Variants in IQCB1 observed in about 807,000 individuals in gnomAD.
The protein encoded by IQCB1 is IQ calmodulin-binding motif-containing protein 1.
A neutral mutation model predicts 84.4 loss-of-function variants in IQCB1; 56 were observed. The ratio of observed to expected loss-of-function variants is 0.66; its 90% CI spans 0.54 to 0.83. The LOEUF (loss-of-function observed/expected upper bound fraction) is 0.83. Among genes scored for constraint, IQCB1 ranks in the 40% least tolerant of loss-of-function variants. The pLI is 0.00. For synonymous variants in IQCB1, 210 were observed against 234.8 expected, an observed-to-expected ratio of 0.89 and a Z score of 0.96; for missense variants, 629 against 682.1, an observed-to-expected ratio of 0.92 and a Z score of 0.87.
At chr3:121,780,260 G>C (rs1948417329) in intron 13 of IQCB1, among the ~76,000 whole-genome samples, 1 of 152,106 alleles carries the variant, frequency 6.6e-6, no homozygotes, top group Non-Finnish European at 1.5e-5. Context: ...AGTAAGCTGG[G>C]GTAATTATAG....
At chr3:121,818,968 A>C (rs1424159481) in intron 5 of IQCB1, among the ~76,000 whole-genome samples, 1 of 152,198 alleles carries the variant, frequency 6.6e-6, no homozygotes, top group East Asian at 1.9e-4. Context: ...TTAAAGTTAG[A>C]GAACTGTGTT....
chr3:121,791,205 C>A (rs747924653), intron 10 of IQCB1, among the ~76,000 whole-genome samples: 27 of 151,908 alleles, frequency 1.8e-4, no homozygotes, highest in Non-Finnish European at 3.8e-4. Flanking sequence ...TCTCTTAGAT[C>A]TTTTTTTTAA....
rs886057829 is a variant in IQCB1, at chr3:121,835,010, CA to C, written c.-147del. 8.2e-3 allele frequency: 668 copies of C among 81,422 alleles called. 14 individuals are homozygous for C. The highest frequency in any genetic ancestry group is 0.042 in the East Asian group (658 of 15,596). 5.0% of individuals were successfully genotyped at this position (81,422 alleles called of 1,614,324 possible). A position where few individuals can be genotyped will look rare whatever the true frequency, so the allele number is the denominator to read the frequency against. On this transcript the variant is annotated 5_prime_UTR_variant, in exon 1 of 15. Transcript: ENST00000310864. ...CTTCCACTAAAGAACCTGGGGCTCC[CA>C]CGCCGCACTACAGCGCCGCGGCCTT...
At chr3:121,809,931 TGAATA>T (rs1456957400) in intron 5 of IQCB1, among the ~76,000 whole-genome samples, 1 of 143,944 alleles carries the variant, frequency 6.9e-6, no homozygotes, top group Non-Finnish European at 1.5e-5. Context: ...AGTGCTGACT[TGAATA>T]TAACAATGGA....
chr3:121,797,350 C>G (rs1484178159), intron 8 of IQCB1, 123 bp from the exon 9 acceptor site: 2 of 525,908 alleles, frequency 3.8e-6, no homozygotes, highest in African/African-American at 3.9e-5. Context: ...CAAGATTAAT[C>G]ATATGATTTT....
intron 5 of IQCB1, among the ~76,000 whole-genome samples, chr3:121,819,557 C>T (rs1950203262): frequency 6.6e-6 from 1 of 152,104 alleles, no homozygotes; most frequent in Non-Finnish European, 1.5e-5. Flanking sequence ...CAATAAGTAC[C>T]TAAAAGTATC....
rs1708195604 is a variant in IQCB1, at chr3:121,834,948, C to G, written c.-102+18G>C. 1 of 381,006 alleles carries G rather than the reference C, an allele frequency of 2.6e-6. No homozygotes were observed. Among genetic ancestry groups the G allele is most frequent in the Non-Finnish European group, 4.9e-6 (1 of 205,014 alleles). The allele number at this position is 381,006 out of a possible 1,614,324, so 23.6% of individuals were successfully genotyped here. On this transcript the variant is annotated intron_variant, in intron 1 of 14. Coordinates refer to ENST00000310864, the MANE Select transcript of IQCB1 (RefSeq NM_001023570.4). ...CTGGGGCCCTCTCCCTCCCCAGCCA[C>G]CACCTCAGATAAGTTACCTCATCCT...
chr3:121,782,741 C>T (rs1430061566), intron 12 of IQCB1, among the ~76,000 whole-genome samples: 1 of 151,788 alleles, frequency 6.6e-6, no homozygotes, highest in Non-Finnish European at 1.5e-5. Context: ...TGCAGTGGCA[C>T]AATCCCAGCT....
intron 5 of IQCB1, among the ~76,000 whole-genome samples, chr3:121,809,689 T>A (rs1350998492): frequency 6.6e-6 from 1 of 151,922 alleles, no homozygotes; most frequent in African/African-American, 2.4e-5. Context: ...TAAATTAGAG[T>A]GCCACAAGGA....
At position 121,825,598 on chromosome 3, in the gene IQCB1, A is replaced by T. The variant is rs149276276; in HGVS notation, c.393+453T>A. Among the ~76,000 whole-genome samples the T allele has an allele frequency of 2.0e-4, 31 of 152,330 alleles. No homozygotes were observed. In the East Asian group the frequency reaches 5.6e-3, roughly 27 times the overall value. ...AAAGAGCACATGTATAGCATCTAGC[A>T]TAATGCAACCAAGAAATACTTGAAA... On this transcript the variant is annotated intron_variant, in intron 5 of 14. Coordinates refer to ENST00000310864, the MANE Select transcript of IQCB1 (RefSeq NM_001023570.4).
intron 12 of IQCB1, among the ~76,000 whole-genome samples, chr3:121,785,076 T>C (rs888163100): frequency 6.6e-5 from 10 of 152,186 alleles, no homozygotes; most frequent in African/African-American, 2.2e-4. Context: ...TTTTCTCTTT[T>C]AGCAAATTTC....
intron 4 of IQCB1, among the ~76,000 whole-genome samples, chr3:121,826,967 A>G (rs1950485554): frequency 6.6e-6 from 1 of 152,146 alleles, no homozygotes; most frequent in Admixed American, 6.5e-5. Context: ...ATAAGCAATA[A>G]CAACTATGTA....
chr3:121,792,735 T>C (rs1330420037), intron 10 of IQCB1, among the ~76,000 whole-genome samples: 1 of 152,052 alleles, frequency 6.6e-6, no homozygotes, highest in East Asian at 1.9e-4. Context: ...GTGTGCTTAT[T>C]GGATTCATAT....
Position 121,802,689 on chromosome 3 carries a change from T to A in IQCB1, c.588-3315A>T, listed in dbSNP as rs560504397. Among the ~76,000 whole-genome samples, 6 of 152,270 alleles carry A rather than the reference T, an allele frequency of 3.9e-5. No individual in the cohort carries two copies. In the South Asian group the frequency reaches 1.2e-3, roughly 32 times the overall value. On this transcript the variant is annotated intron_variant, in intron 7 of 14. Coordinates refer to ENST00000310864, the MANE Select transcript of IQCB1 (RefSeq NM_001023570.4). ...TCTGCTCAACCTTTATCATTTTCTT[T>A]CTTCTGCTTAGAGTTTAATTCCCCC...
At chr3:121,787,518 C>T (rs1004518002) in intron 12 of IQCB1, among the ~76,000 whole-genome samples, 8 of 152,070 alleles carry the variant, frequency 5.3e-5, no homozygotes, top group African/African-American at 1.7e-4. Flanking sequence ...TTTCGGAGGC[C>T]GAGGTGGGCA....
chr3:121,776,832 CA>C (rs1286331413), intron 13 of IQCB1, among the ~76,000 whole-genome samples: 1 of 152,194 alleles, frequency 6.6e-6, no homozygotes, highest in Admixed American at 6.5e-5. Flanking sequence ...AAAAACAAAA[CA>C]ACTAGTTCAT....
At position 121,834,202 on chromosome 3, in the gene IQCB1, G is replaced by T. The variant is rs148818660; in HGVS notation, c.-13+189C>A. Reference sequence around the variant, plus strand: ...CCTACCCCAAAATCAATTGACAAATGTGCCTAAGGCAGAAGGTGAGGGAGT... The same window carrying T: ...CCTACCCCAAAATCAATTGACAAATTTGCCTAAGGCAGAAGGTGAGGGAGT... On this transcript the variant is annotated intron_variant, in intron 2 of 14. Coordinates refer to ENST00000310864, the MANE Select transcript of IQCB1 (RefSeq NM_001023570.4). 3.3e-5 allele frequency: 5 copies of T among 152,324 alleles called. No individual in the cohort carries two copies. The East Asian group carries it at 9.6e-4, about 29-fold the overall frequency. 9.4% of individuals were successfully genotyped at this position (152,324 alleles called of 1,614,324 possible).
chr3:121,785,474 A>G (rs1212721487), intron 12 of IQCB1, among the ~76,000 whole-genome samples: 1 of 152,008 alleles, frequency 6.6e-6, no homozygotes, highest in Non-Finnish European at 1.5e-5. Context: ...AGGCTGGTAT[A>G]TTACTTTCAA....
In IQCB1 at chr3:121,828,572, T is replaced by C; in HGVS notation, c.161A>G (p.Tyr54Cys). 6.2e-7 allele frequency: 1 copy of C among 1,601,190 alleles called. No individual in the cohort carries two copies. The highest frequency in any genetic ancestry group is 8.6e-7 in the Non-Finnish European group (1 of 1,168,280). ...SELKKIKQDIYCYDLIQYCLL... is the reference protein window; with the variant it reads ...SELKKIKQDICCYDLIQYCLL... ...GCAATATTGAATGAGATCATAACAA[T>C]ATATATCTTGTTTGATTTTCTTCAA... is the stretch of plus-strand genomic sequence containing the variant. Residue 54 changes from tyrosine (Y) to cysteine (C), a missense_variant, in exon 4 of 15, where the codon TAT becomes TGT. By Grantham distance (194) the Tyr-to-Cys change is radical. Transcript: ENST00000310864.
Sources: allele counts gnomAD v4.1 joint callset (sites outside exome capture counted in the v4.1 genomes callset), GRCh38; gene constraint gnomAD v4.1.1; transcripts MANE v1.5; gene names NCBI Gene and HGNC (gene_info 2026-07-23, HGNC 2026-07-21).